EXT1: variants seen among roughly 807,000 people sequenced by gnomAD.
The protein encoded by EXT1 is exostosin-1.
Under a neutral mutation model 82.5 loss-of-function variants are expected in EXT1, and 20 were observed. The observed-to-expected ratio is 0.24, with a 90% CI of 0.17 to 0.35. The LOEUF is 0.35. EXT1 is among the 10% of genes least tolerant of loss of function. The probability of loss-of-function intolerance (pLI) is 1.00; values close to 1 mark genes in which losing one functional copy is unlikely to be tolerated. For missense variants in EXT1, 757 were observed against 936.5 expected (o/e 0.81, Z 2.50); for synonymous variants, 348 against 350.8 (o/e 0.99, Z 0.09).
chr8:117,879,428 T>C (rs1813023516), intron 1 of EXT1, among the ~76,000 whole-genome samples: 1 of 151,968 alleles, frequency 6.6e-6, no homozygotes, highest in African/African-American at 2.4e-5. Context: ...CCCTCAATCA[T>C]TCCTTTCCAC....
chr8:117,917,770 T>C (rs1197000839), intron 1 of EXT1, among the ~76,000 whole-genome samples: 1 of 152,106 alleles, frequency 6.6e-6, no homozygotes, highest in Admixed American at 6.6e-5. Context: ...CAACCACAGG[T>C]TCCATCCCAG....
chr8:117,892,507 A>C (rs1485488534), intron 1 of EXT1, among the ~76,000 whole-genome samples: 1 of 152,188 alleles, frequency 6.6e-6, no homozygotes. Flanking sequence ...GCATCAAACT[A>C]CAGAACCCTG....
intron 1 of EXT1, among the ~76,000 whole-genome samples, chr8:118,099,077 C>G (rs1329631086): frequency 1.3e-5 from 2 of 152,154 alleles, no homozygotes; most frequent in Admixed American, 6.5e-5. Flanking sequence ...AAACAAAGGA[C>G]AGTGAACACA....
intron 1 of EXT1, among the ~76,000 whole-genome samples, chr8:118,050,123 T>TAG (rs1185198563): frequency 3.3e-5 from 5 of 151,698 alleles, no homozygotes; most frequent in South Asian, 2.1e-4. Context: ...TAAAGGAAGG[T>TAG]AGAGAGAGAG....
intron 10 of EXT1, among the ~76,000 whole-genome samples, chr8:117,803,044 G>T (rs11784788): frequency 0.47 from 71,708 of 151,996 alleles, 17,641 homozygotes; most frequent in Admixed American, 0.62. Context: ...CAATGCCTGT[G>T]AGAACAAGGC....
chr8:117,852,360 G>A (rs765234174), intron 1 of EXT1, among the ~76,000 whole-genome samples: 5 of 152,188 alleles, frequency 3.3e-5, no homozygotes, highest in Non-Finnish European at 5.9e-5. Context: ...GCCTGACATG[G>A]GGAGAGAGCT....
At chr8:118,003,932 C>T (rs1338574155) in intron 1 of EXT1, among the ~76,000 whole-genome samples, 1 of 152,092 alleles carries the variant, frequency 6.6e-6, no homozygotes, top group East Asian at 1.9e-4. Flanking sequence ...AACCATATTA[C>T]CACATTCTAA....
At chr8:118,033,934 A>C (rs1376417244) in intron 1 of EXT1, among the ~76,000 whole-genome samples, 1 of 152,220 alleles carries the variant, frequency 6.6e-6, no homozygotes, top group African/African-American at 2.4e-5. Context: ...AATTTTAATA[A>C]CAAACTGTTA....
At chr8:118,103,936 T>C (rs1402823068) in intron 1 of EXT1, among the ~76,000 whole-genome samples, 2 of 152,218 alleles carry the variant, frequency 1.3e-5, no homozygotes, top group African/African-American at 2.4e-5. Context: ...AAGATCCATA[T>C]ACAAACACCT....
In EXT1 at chr8:118,097,598, G is replaced by A. The variant is rs945403065; in HGVS notation, c.962+12487C>T. Among the ~76,000 whole-genome samples, 89 of 152,098 alleles carry A rather than the reference G, an allele frequency of 5.9e-4. 1 individual carries two copies. Among genetic ancestry groups the A allele is most frequent in the African/African-American group, 2.0e-3 (83 of 41,412 alleles). On this transcript the variant is annotated intron_variant, in intron 1 of 10. Coordinates refer to ENST00000378204, the MANE Select transcript of EXT1 (RefSeq NM_000127.3). ...CCACTGCCTTAACCCACTTCCATAC[G>A]TTGCTTTACTTCACAGCATCCAGCA...
chr8:117,925,111 C>T (rs146043021), intron 1 of EXT1, among the ~76,000 whole-genome samples: 156 of 152,206 alleles, frequency 1.0e-3, no homozygotes, highest in African/African-American at 3.4e-3. Context: ...ATCCCAATCC[C>T]GCAGATTCTA....
chr8:117,974,682 G>A (rs1212775407), intron 1 of EXT1, among the ~76,000 whole-genome samples: 1 of 152,092 alleles, frequency 6.6e-6, no homozygotes, highest in Non-Finnish European at 1.5e-5. Flanking sequence ...GCCCAGGCTG[G>A]TCTGGAACCC....
rs573292388 is a variant in EXT1, at chr8:118,013,946, AC to A, written c.962+96138del. Among the ~76,000 whole-genome samples, 198 of 152,288 alleles carry A rather than the reference AC, an allele frequency of 1.3e-3. 2 individuals are homozygous for A. The highest frequency in any genetic ancestry group is 4.6e-3 in the African/African-American group (193 of 41,570). ...AATATGGATTTTGGAGTTAAGTTGA[AC>A]TGCGATTGAATCCTGGCTCACTACA... is the stretch of plus-strand genomic sequence containing the variant. On this transcript the variant is annotated intron_variant, in intron 1 of 10. Coordinates refer to ENST00000378204, the MANE Select transcript of EXT1 (RefSeq NM_000127.3).
chr8:117,824,411 C>T (rs1811976224), intron 4 of EXT1, among the ~76,000 whole-genome samples: 1 of 152,218 alleles, frequency 6.6e-6, no homozygotes, highest in South Asian at 2.1e-4. Context: ...GCATTTTATA[C>T]TGTCTTCCAA....
chr8:117,978,903 ATTG>A (rs1009426363), intron 1 of EXT1, among the ~76,000 whole-genome samples: 6 of 152,182 alleles, frequency 3.9e-5, no homozygotes, highest in African/African-American at 1.4e-4. Flanking sequence ...TAGGATGGGT[ATTG>A]TTATTATGTT....
chr8:117,921,690 T>C lies in EXT1; in HGVS notation c.963-84489A>G, dbSNP rs111357411. 3.6e-3 allele frequency among the ~76,000 whole-genome samples: 552 copies of C among 152,312 alleles called. 3 individuals are homozygous for C. The highest frequency in any genetic ancestry group is 0.011 in the African/African-American group (464 of 41,566). ...AAATGCCATCTCTAAATCTTGTGCC[T>C]AATACAGGGAGTCTTTTTTCCAAAC... On this transcript the variant is annotated intron_variant, in intron 1 of 10. Coordinates refer to ENST00000378204, the MANE Select transcript of EXT1 (RefSeq NM_000127.3).
At chr8:117,970,493 G>A (rs942041952) in intron 1 of EXT1, among the ~76,000 whole-genome samples, 6 of 151,968 alleles carry the variant, frequency 3.9e-5, no homozygotes, top group Admixed American at 3.3e-4. Context: ...TTTTAGTAGA[G>A]ATGGGGTTTC....
At chr8:117,815,762 C>T (rs1023700127) in intron 7 of EXT1, among the ~76,000 whole-genome samples, 1 of 152,082 alleles carries the variant, frequency 6.6e-6, no homozygotes, top group African/African-American at 2.4e-5. Context: ...GAAACCCCCT[C>T]TCTACTAAAA....
intron 1 of EXT1, among the ~76,000 whole-genome samples, chr8:117,848,599 G>C (rs1812403703): frequency 6.6e-6 from 1 of 152,126 alleles, no homozygotes; most frequent in African/African-American, 2.4e-5. Context: ...AAGGAGTATT[G>C]AGCAGGCCCT....
Sources: gnomAD v4.1 joint callset for allele counts (sites outside exome capture counted in the v4.1 genomes callset) on GRCh38, gnomAD v4.1.1 for gene constraint, MANE v1.5 for transcripts, NCBI Gene and HGNC (gene_info 2026-07-23, HGNC 2026-07-21) for gene names.